Variants in ZNF730 observed in about 807,000 individuals in gnomAD.
ZNF730 encodes the protein putative zinc finger protein 730.
A neutral mutation model predicts 12.6 loss-of-function variants in ZNF730; 12 were observed. The observed-to-expected ratio is 0.95, with a 90% CI of 0.61 to 1.54. The LOEUF (loss-of-function observed/expected upper bound fraction) is 1.54. ZNF730 is among the 40% of genes most tolerant of loss of function. The pLI, the probability that ZNF730 is intolerant of heterozygous loss-of-function variation, is 0.00. For synonymous variants in ZNF730, 194 were observed against 195.8 expected (o/e 0.99, Z 0.08); for missense variants, 643 against 583.5 (o/e 1.10, Z -1.05).
At chr19:23,111,830 ACATAT>A (rs772912808) in intron 1 of ZNF730, among the ~76,000 whole-genome samples, 1 of 151,756 alleles carries the variant, frequency 6.6e-6, no homozygotes, top group Non-Finnish European at 1.5e-5. Flanking sequence ...CAGATTGATG[ACATAT>A]CAGATCCATT....
intron 1 of ZNF730, among the ~76,000 whole-genome samples, chr19:23,106,710 G>T (rs779222944): frequency 8.7e-5 from 13 of 149,794 alleles, no homozygotes; most frequent in Admixed American, 1.3e-4. Flanking sequence ...AGAATCACTT[G>T]AACCCAGAGG....
intron 1 of ZNF730, among the ~76,000 whole-genome samples, chr19:23,075,621 G>A (rs1003586561): frequency 6.6e-6 from 1 of 152,196 alleles, no homozygotes; most frequent in Non-Finnish European, 1.5e-5. Context: ...CTCTGCGCCC[G>A]CAGCCCCGAG....
rs145005271 is a variant in ZNF730, at chr19:23,110,570, C to T, written c.-93-23510C>T. Among the ~76,000 whole-genome samples the T allele has an allele frequency of 3.1e-3, 471 of 152,296 alleles. 4 individuals are homozygous for T. Among genetic ancestry groups the T allele is most frequent in the African/African-American group, 9.9e-3 (411 of 41,562 alleles). On this transcript the variant is annotated intron_variant, in intron 1 of 2. Coordinates refer to the ZNF730 transcript ENST00000593635. ...TGCTGGGATTACAGGCATGAGCCAC[C>T]GTGTCTGGCCTCTTTATAACCATTT...
intron 1 of ZNF730, among the ~76,000 whole-genome samples, chr19:23,117,928 G>A (rs1408303055): frequency 6.6e-6 from 1 of 151,912 alleles, no homozygotes; most frequent in South Asian, 2.1e-4. Context: ...CACGTACCTC[G>A]AATTGCCTGT....
chr19:23,101,053 T>C (rs1970330806), intron 1 of ZNF730, among the ~76,000 whole-genome samples: 1 of 152,224 alleles, frequency 6.6e-6, no homozygotes, highest in Non-Finnish European at 1.5e-5. Flanking sequence ...GATGCTCATA[T>C]CTGGGCTTGG....
At position 23,134,174 on chromosome 19, in the gene ZNF730, T is replaced by C. The variant is rs1404330674; in HGVS notation, c.98T>C (p.Met33Thr). ...TEQQNLYRNV[M>T]LDNYRNLVFL... ...CAACAGAATTTATATAGAAATGTAA[T>C]GTTAGATAACTACAGAAACCTGGTC... is the stretch of plus-strand genomic sequence containing the variant. The change falls in exon 2 of 4, where the codon ATG (methionine) becomes ACG (threonine). Residue 33 changes from methionine to threonine, a missense_variant. Coordinates refer to ENST00000597761, the MANE Select transcript of ZNF730 (RefSeq NM_001277403.2). 6.2e-7 allele frequency: 1 copy of C among 1,612,432 alleles called. No individual in the cohort carries two copies. Among genetic ancestry groups the C allele is most frequent in the Non-Finnish European group, 8.5e-7 (1 of 1,179,186 alleles).
intron 1 of ZNF730, among the ~76,000 whole-genome samples, chr19:23,105,913 A>G (rs1009553858): frequency 6.6e-6 from 1 of 152,248 alleles, no homozygotes; most frequent in African/African-American, 2.4e-5. Flanking sequence ...TCAGACATGC[A>G]TTTCCTTCAG....
intron 1 of ZNF730, among the ~76,000 whole-genome samples, chr19:23,103,800 T>G (rs1467800965): frequency 1.3e-5 from 2 of 152,228 alleles, no homozygotes; most frequent in African/African-American, 4.8e-5. Context: ...GTTGTTATGT[T>G]AAGTTATTGT....
intron 1 of ZNF730, among the ~76,000 whole-genome samples, chr19:23,092,195 T>C (rs1437342664): frequency 6.6e-6 from 1 of 152,212 alleles, no homozygotes; most frequent in Non-Finnish European, 1.5e-5. Context: ...CCTCCCACCA[T>C]GATTCTGATG....
chr19:23,081,591 A>G (rs1418327646), intron 1 of ZNF730, among the ~76,000 whole-genome samples: 1 of 152,140 alleles, frequency 6.6e-6, no homozygotes, highest in African/African-American at 2.4e-5. Context: ...AAGTGCTGGG[A>G]CTACAGGTGT....
chr19:23,134,106 C>A lies in ZNF730; in HGVS notation c.30C>A (p.Ala10=), dbSNP rs752623718. 1 of 1,613,344 alleles carries A rather than the reference C, an allele frequency of 6.2e-7. No individual in the cohort carries two copies. The highest frequency in any genetic ancestry group is 8.5e-7 in the Non-Finnish European group (1 of 1,179,726). The part of the protein sequence containing the change: MGALTFRDV[A]IEFSLEEWQC... Reference sequence around the variant, plus strand: ...GAGCGTTGACATTTAGAGATGTGGCCATAGAATTCTCTCTGGAGGAGTGGC... The same window carrying A: ...GAGCGTTGACATTTAGAGATGTGGCAATAGAATTCTCTCTGGAGGAGTGGC... Residue 10 remains alanine (A), a synonymous_variant, in exon 2 of 4, where the codon GCC becomes GCA. Coordinates refer to ENST00000597761, the MANE Select transcript of ZNF730 (RefSeq NM_001277403.2).
At chr19:23,139,937 C>A (rs1014805666) in intron 3 of ZNF730, among the ~76,000 whole-genome samples, 2 of 151,884 alleles carry the variant, frequency 1.3e-5, no homozygotes, top group Non-Finnish European at 2.9e-5. Flanking sequence ...GTGTGGGTTT[C>A]CTAATATCAG....
At chr19:23,085,847 T>TC (rs1288138245) in intron 1 of ZNF730, among the ~76,000 whole-genome samples, 1 of 103,472 alleles carries the variant, frequency 9.7e-6, no homozygotes, top group Non-Finnish European at 2.0e-5. Flanking sequence ...TTTTTTTTTT[T>TC]TTTTTTTTTT....
At chr19:23,088,925 T>C (rs1970110452) in intron 1 of ZNF730, among the ~76,000 whole-genome samples, 1 of 152,116 alleles carries the variant, frequency 6.6e-6, no homozygotes, top group African/African-American at 2.4e-5. Flanking sequence ...CAGGCTGGAG[T>C]GCAGTGGTGC....
upstream of ZNF730, among the ~76,000 whole-genome samples, chr19:23,112,231 C>T (rs73029446): frequency 1.1e-4 from 17 of 152,040 alleles, 1 homozygote; most frequent in East Asian, 3.3e-3. Flanking sequence ...AGATGGATAT[C>T]TTTATGTAGA....
intron 1 of ZNF730, chr19:23,128,285 A>G: frequency 1.5e-6 from 1 of 686,022 alleles, no homozygotes; most frequent in East Asian, 2.8e-5. Flanking sequence ...AATGTTGCAG[A>G]TTACATGCAC....
chr19:23,081,341 A>C (rs1969963424), intron 1 of ZNF730, among the ~76,000 whole-genome samples: 1 of 151,082 alleles, frequency 6.6e-6, no homozygotes, highest in Non-Finnish European at 1.5e-5. Context: ...TTTTTTTGAG[A>C]TGTAGTCTCT....
At chr19:23,086,034 G>A (rs961012767) in intron 1 of ZNF730, among the ~76,000 whole-genome samples, 2 of 151,672 alleles carry the variant, frequency 1.3e-5, no homozygotes, top group South Asian at 2.1e-4. Context: ...TAATAGAGAC[G>A]GGGTTTCACC....
chr19:23,085,900 C>T lies in ZNF730; in HGVS notation c.-94+10513C>T, dbSNP rs1402936515. 8.1e-5 allele frequency among the ~76,000 whole-genome samples: 10 copies of T among 123,936 alleles called. No individual in the cohort carries two copies. The East Asian group carries it at 1.3e-3, about 16-fold the overall frequency. 81.3% of individuals were successfully genotyped at this position (123,936 alleles called of 152,430 possible). On this transcript the variant is annotated intron_variant, in intron 1 of 2. Transcript: ENST00000593635. The stretch of plus-strand genomic sequence containing the variant: ...TCGCTCTGTCACCCAGGCTGGAGTG[C>T]GGTGGCACGATCTCGGCTCACTGCA...
Sources: gnomAD v4.1 joint callset for allele counts (sites outside exome capture counted in the v4.1 genomes callset) on GRCh38, gnomAD v4.1.1 for gene constraint, MANE v1.5 for transcripts, NCBI Gene and HGNC (gene_info 2026-07-23, HGNC 2026-07-21) for gene names.